The following CNIH1 variants were observed in gnomAD, a reference collection of about 807,000 sequenced individuals.
CNIH1 encodes protein cornichon homolog 1.
CNIH1 carries 12 observed loss-of-function variants against 20.2 expected under a neutral mutation model. That is an observed-to-expected ratio of 0.59 (90% CI 0.38 to 0.96). The LOEUF (loss-of-function observed/expected upper bound fraction) is 0.96. Ranked by LOEUF, CNIH1 falls within the 40% of genes least tolerant of loss-of-function variation. CNIH1 has a pLI of 0.00. For missense variants in CNIH1, 152 were observed against 178.8 expected (o/e 0.85, Z 0.85); for synonymous variants, 69 against 63.3 (o/e 1.09, Z -0.43).
rs2030854199 is a variant in CNIH1 at position 54,427,736 on chromosome 14, G to C, written c.*78C>G. On this transcript the variant is annotated 3_prime_UTR_variant, in exon 5 of 5. Coordinates refer to ENST00000216416, the MANE Select transcript of CNIH1 (RefSeq NM_005776.3). ...AGATTCCACAGGCTACTCTTGGACA[G>C]GATCTTGCTGGATAGAATCCCTTCA... 1 of 1,453,566 alleles carries C rather than the reference G, an allele frequency of 6.9e-7. No individual in the cohort carries two copies. The highest frequency in any genetic ancestry group is 9.6e-7 in the Non-Finnish European group (1 of 1,039,150). The allele number at this position is 1,453,566 out of a possible 1,614,324, so 90.0% of individuals were successfully genotyped here.
chr14:54,437,981 T>G (rs1386482420), intron 1 of CNIH1, among the ~76,000 whole-genome samples: 1 of 151,344 alleles, frequency 6.6e-6, no homozygotes, highest in Non-Finnish European at 1.5e-5. Context: ...TTCAAGGGTT[T>G]TTTTTTTTTT....
intron 4 of CNIH1, among the ~76,000 whole-genome samples, chr14:54,428,803 A>G (rs1594615548): frequency 6.6e-6 from 1 of 152,254 alleles, no homozygotes; most frequent in East Asian, 1.9e-4. Context: ...ATATGCACTA[A>G]AGGATACTCA....
intron 1 of CNIH1, among the ~76,000 whole-genome samples, chr14:54,439,947 G>A (rs1193091672): frequency 6.6e-6 from 1 of 152,206 alleles, no homozygotes; most frequent in Non-Finnish European, 1.5e-5. Context: ...CAGGGCTGAA[G>A]ATGCTCTTCA....
intron 1 of CNIH1, among the ~76,000 whole-genome samples, chr14:54,440,831 G>GA (rs1361074202): frequency 3.3e-5 from 5 of 152,238 alleles, no homozygotes; most frequent in Non-Finnish European, 7.4e-5. Context: ...AACCCTAAAA[G>GA]AAAGTCAATC....
At chr14:54,438,432 A>G (rs1451849422) in intron 1 of CNIH1, among the ~76,000 whole-genome samples, 1 of 152,250 alleles carries the variant, frequency 6.6e-6, no homozygotes, top group Non-Finnish European at 1.5e-5. Flanking sequence ...TTCCTACAGA[A>G]GTATAACAAA....
intron 1 of CNIH1, among the ~76,000 whole-genome samples, chr14:54,439,546 T>G (rs1224877613): frequency 4.7e-5 from 7 of 149,592 alleles, no homozygotes; most frequent in African/African-American, 1.7e-4. Context: ...CACACTTTCT[T>G]TCTTTCTTTT....
chr14:54,436,471 C>T, intron 1 of CNIH1, 34 bp from the exon 2 acceptor site: 2 of 1,203,492 alleles, frequency 1.7e-6, no homozygotes, highest in East Asian at 4.7e-5. Flanking sequence ...GGACCACTCA[C>T]TTTAATTAAA....
chr14:54,440,047 C>T (rs922233745), intron 1 of CNIH1, among the ~76,000 whole-genome samples: 2 of 152,166 alleles, frequency 1.3e-5, no homozygotes, highest in African/African-American at 4.8e-5. Flanking sequence ...TTACAATAAG[C>T]AGTCAGGTCC....
At chr14:54,430,766 T>C (rs944928662) in intron 3 of CNIH1, among the ~76,000 whole-genome samples, 11 of 152,210 alleles carry the variant, frequency 7.2e-5, no homozygotes, top group Non-Finnish European at 1.5e-5. Flanking sequence ...CCATTTTTAC[T>C]ATATTTGCTT....
chr14:54,434,979 A>G (rs2031027833), intron 2 of CNIH1, among the ~76,000 whole-genome samples: 1 of 152,238 alleles, frequency 6.6e-6, no homozygotes, highest in South Asian at 2.1e-4. Context: ...TATCTGGGAA[A>G]CAATAATAAA....
At chr14:54,439,810 A>G (rs2031132823) in intron 1 of CNIH1, among the ~76,000 whole-genome samples, 1 of 151,966 alleles carries the variant, frequency 6.6e-6, no homozygotes, top group Non-Finnish European at 1.5e-5. Flanking sequence ...TCGGCCTCCC[A>G]AAGTGCTGGG....
Position 54,425,893 on chromosome 14 carries a change from G to GCTAAGAGAGGCAGGGTTCA in CNIH1, c.*1902_*1920dup. On this transcript the variant is annotated 3_prime_UTR_variant, in exon 5 of 5. Coordinates refer to ENST00000216416, the MANE Select transcript of CNIH1 (RefSeq NM_005776.3). ...TGTTAACACTTATGAAGTAGTGTTT[G>GCTAAGAGAGGCAGGGTTCA]CTAAGAGAGGCAGGGTTCACGAAAA... 6.6e-6 allele frequency: 1 copy of GCTAAGAGAGGCAGGGTTCA among 152,198 alleles called. No individual in the cohort carries two copies. Among genetic ancestry groups the GCTAAGAGAGGCAGGGTTCA allele is most frequent in the East Asian group, 1.9e-4 (1 of 5,202 alleles). The allele number at this position is 152,198 out of a possible 1,614,324, so 9.4% of individuals were successfully genotyped here. A position where few individuals can be genotyped will look rare whatever the true frequency, so the allele number is the denominator to read the frequency against.
intron 2 of CNIH1, 40 bp from the exon 3 acceptor site, chr14:54,432,260 C>A: frequency 8.7e-7 from 1 of 1,147,360 alleles, no homozygotes; most frequent in South Asian, 1.5e-5. Context: ...AATGCCTCAG[C>A]ATTAAGTCAA....
chr14:54,430,141 A>G, intron 4 of CNIH1, 120 bp downstream of exon 4: 1 of 1,046,758 alleles, frequency 9.6e-7, no homozygotes, highest in South Asian at 1.5e-5. Flanking sequence ...GGTGTGCACC[A>G]TGCACACTTA....
At chr14:54,436,729 A>C (rs1187315032) in intron 1 of CNIH1, 2 of 499,536 alleles carry the variant, frequency 4.0e-6, no homozygotes, top group Middle Eastern at 3.0e-4. Flanking sequence ...TCTCTACTCG[A>C]AATAATCTTC....
In CNIH1 at chr14:54,426,105, G is replaced by C. The variant is rs1445663241; in HGVS notation, c.*1709C>G. ...TCAAAGCATGAATCTTGAGAGCCCA[G>C]CAAGTACTCAATAAATAATTTGTTA... is the stretch of plus-strand genomic sequence containing the variant. On this transcript the variant is annotated 3_prime_UTR_variant, in exon 5 of 5. Coordinates refer to ENST00000216416, the MANE Select transcript of CNIH1 (RefSeq NM_005776.3). 13 of 152,176 alleles carry C rather than the reference G, an allele frequency of 8.5e-5. No homozygotes were observed. The highest frequency in any genetic ancestry group is 3.1e-4 in the African/African-American group (13 of 41,446). The allele number at this position is 152,176 out of a possible 1,614,324, so 9.4% of individuals were successfully genotyped here.
intron 1 of CNIH1, among the ~76,000 whole-genome samples, chr14:54,436,980 T>C (rs959962798): frequency 1.3e-5 from 2 of 152,170 alleles, no homozygotes; most frequent in African/African-American, 4.8e-5. Flanking sequence ...AGAAGGACCA[T>C]TTTTATTTAT....
At chr14:54,436,617 GA>G (rs2031058686) in intron 1 of CNIH1, 180 bp from the exon 2 acceptor site, 1 of 582,344 alleles carries the variant, frequency 1.7e-6, no homozygotes, top group Admixed American at 3.2e-5. Context: ...GATTTAAAGT[GA>G]AAACACTCTT....
At position 54,436,749 on chromosome 14, in the gene CNIH1, A is replaced by C. The variant is rs79243908; in HGVS notation, c.82-312T>G. The C allele has an allele frequency of 3.4e-4, 163 of 477,498 alleles. 2 individuals carry two copies. The East Asian group carries it at 7.7e-3, about 23-fold the overall frequency. The allele number at this position is 477,498 out of a possible 1,614,324, so 29.6% of individuals were successfully genotyped here. ...ACTCGAAATAATCTTCTGAGTAGAA[A>C]AATAATTTCAACTGTTTATCCAAAT... On this transcript the variant is annotated intron_variant, in intron 1 of 4. Transcript: ENST00000216416.
Sources: allele counts gnomAD v4.1 joint callset (sites outside exome capture counted in the v4.1 genomes callset), GRCh38; gene constraint gnomAD v4.1.1; transcripts MANE v1.5; gene names NCBI Gene and HGNC (gene_info 2026-07-23, HGNC 2026-07-21).